Variants in R3HDM1 observed in about 807,000 individuals in gnomAD.
R3HDM1 encodes R3H domain-containing protein 1.
A neutral mutation model predicts 141.1 loss-of-function variants in R3HDM1; 46 were observed. That is an observed-to-expected ratio of 0.33 (90% CI 0.26 to 0.42). The LOEUF (loss-of-function observed/expected upper bound fraction) is 0.42. R3HDM1 is among the 10% of genes least tolerant of loss of function. The pLI, the probability that R3HDM1 is intolerant of heterozygous loss-of-function variation, is 1.00. For missense variants in R3HDM1, 1,184 were observed against 1,368.3 expected (o/e 0.87, Z 2.12); for synonymous variants, 435 against 472.9 (o/e 0.92, Z 1.04).
At chr2:135,541,241 C>T (rs1290325549) in intron 1 of R3HDM1, among the ~76,000 whole-genome samples, 3 of 152,050 alleles carry the variant, frequency 2.0e-5, no homozygotes, top group Non-Finnish European at 4.4e-5. Flanking sequence ...TGCTCTGTCA[C>T]CCAGGCTGGA....
intron 3 of R3HDM1, among the ~76,000 whole-genome samples, chr2:135,614,516 A>G (rs1046838598): frequency 6.6e-6 from 1 of 152,202 alleles, no homozygotes; most frequent in Non-Finnish European, 1.5e-5. Context: ...AGTAGTATGA[A>G]CTTTTAGACA....
intron 21 of R3HDM1, among the ~76,000 whole-genome samples, chr2:135,701,458 G>C (rs115876965): frequency 5.3e-4 from 80 of 152,264 alleles, no homozygotes; most frequent in African/African-American, 1.9e-3. Flanking sequence ...ACTCATCCTT[G>C]TGGTGATGTG....
chr2:135,711,459 C>T (rs989558136), intron 23 of R3HDM1, among the ~76,000 whole-genome samples: 2 of 150,668 alleles, frequency 1.3e-5, no homozygotes, highest in South Asian at 2.1e-4. Context: ...CGCAGGAGTT[C>T]GAGACCAGCC....
chr2:135,724,612 C>T lies in R3HDM1; in HGVS notation c.*320C>T, dbSNP rs559726158. Reference sequence around the variant, plus strand: ...GTATCAGATCCAAAGCTCTATTGTACAGCAAATTATTCTTCAAAATGATTA... The same window carrying T: ...GTATCAGATCCAAAGCTCTATTGTATAGCAAATTATTCTTCAAAATGATTA... On this transcript the variant is annotated 3_prime_UTR_variant, in exon 27 of 27. Transcript: ENST00000683871. 1.7e-4 allele frequency: 37 copies of T among 213,222 alleles called. No homozygotes were observed. Among genetic ancestry groups the T allele is most frequent in the African/African-American group, 8.5e-4 (37 of 43,604 alleles). 13.2% of individuals were successfully genotyped at this position (213,222 alleles called of 1,614,324 possible). A position where few individuals can be genotyped will look rare whatever the true frequency, so the allele number is the denominator to read the frequency against.
chr2:135,684,915 A>G (rs1226416095), intron 21 of R3HDM1, among the ~76,000 whole-genome samples: 2 of 152,024 alleles, frequency 1.3e-5, no homozygotes, highest in Admixed American at 1.3e-4. Context: ...GGCACGCACC[A>G]CCACACTCAG....
chr2:135,536,400 G>A (rs1696123555), intron 1 of R3HDM1: 4 of 335,060 alleles, frequency 1.2e-5, no homozygotes, highest in African/African-American at 2.2e-5. Flanking sequence ...TCCTGCCTTA[G>A]CCTGCCAAAG....
At chr2:135,579,331 T>A (rs957526633) in intron 1 of R3HDM1, among the ~76,000 whole-genome samples, 2 of 152,106 alleles carry the variant, frequency 1.3e-5, no homozygotes, top group South Asian at 2.1e-4. Flanking sequence ...ATAAAACACA[T>A]GTACAGGCAT....
At chr2:135,687,300 A>G (rs1487010508) in intron 21 of R3HDM1, among the ~76,000 whole-genome samples, 1 of 152,212 alleles carries the variant, frequency 6.6e-6, no homozygotes, top group Non-Finnish European at 1.5e-5. Context: ...TTCAGTGGAT[A>G]TAACATTTCT....
intron 3 of R3HDM1, among the ~76,000 whole-genome samples, chr2:135,611,113 A>G (rs2060495968): frequency 6.6e-6 from 1 of 151,118 alleles, no homozygotes; most frequent in Non-Finnish European, 1.5e-5. Context: ...TTAAAAAAAA[A>G]TAAAATTTAA....
intron 21 of R3HDM1, among the ~76,000 whole-genome samples, chr2:135,698,242 C>T (rs938404355): frequency 2.7e-5 from 4 of 150,858 alleles, no homozygotes; most frequent in Admixed American, 2.0e-4. Context: ...TCAGTACAAG[C>T]TCCGCCTCCC....
chr2:135,675,906 A>G (rs2069104315), intron 20 of R3HDM1, among the ~76,000 whole-genome samples: 1 of 152,192 alleles, frequency 6.6e-6, no homozygotes, highest in Admixed American at 6.5e-5. Context: ...AAATAGTGAG[A>G]TACAGTATAG....
At chr2:135,553,221 T>C (rs1184957527) in intron 1 of R3HDM1, among the ~76,000 whole-genome samples, 1 of 152,170 alleles carries the variant, frequency 6.6e-6, no homozygotes, top group Non-Finnish European at 1.5e-5. Context: ...CTATCTAGAT[T>C]ATGTTTGCTT....
intron 21 of R3HDM1, among the ~76,000 whole-genome samples, chr2:135,694,679 A>G (rs376222475): frequency 8.5e-5 from 13 of 152,222 alleles, no homozygotes; most frequent in African/African-American, 3.1e-4. Context: ...GAACCCAACC[A>G]GAGTCTCTGA....
chr2:135,601,458 T>C (rs2059614413), intron 1 of R3HDM1, among the ~76,000 whole-genome samples: 1 of 152,218 alleles, frequency 6.6e-6, no homozygotes, highest in Admixed American at 6.5e-5. Context: ...GGTCTCTTGG[T>C]GCTTAGATCT....
intron 1 of R3HDM1, chr2:135,583,674 G>A (rs1481305367): frequency 5.4e-6 from 5 of 927,820 alleles, no homozygotes; most frequent in Non-Finnish European, 6.4e-6. Context: ...CTTGGCTATA[G>A]TAATCATTTG....
chr2:135,660,845 C>CA (rs11408908), intron 18 of R3HDM1, among the ~76,000 whole-genome samples: 27,918 of 100,540 alleles, frequency 0.28, 3,327 homozygotes, highest in Middle Eastern at 0.51. Flanking sequence ...GACTCCACCT[C>CA]AAAAAAAAAA....
At chr2:135,643,060 T>C (rs567391106) in intron 15 of R3HDM1, among the ~76,000 whole-genome samples, 1 of 152,270 alleles carries the variant, frequency 6.6e-6, no homozygotes, top group East Asian at 1.9e-4. Flanking sequence ...TAGGAAGGGA[T>C]AGAGTGAGAA....
chr2:135,619,199 G>A (rs191637650), intron 5 of R3HDM1, among the ~76,000 whole-genome samples: 51 of 152,156 alleles, frequency 3.4e-4, no homozygotes, highest in African/African-American at 1.2e-3. Flanking sequence ...AGGAAAGAAG[G>A]GTCAGGCATT....
intron 1 of R3HDM1, among the ~76,000 whole-genome samples, chr2:135,600,928 C>T (rs1299682342): frequency 1.3e-5 from 2 of 152,138 alleles, no homozygotes; most frequent in South Asian, 2.1e-4. Context: ...TTCACCTCTT[C>T]GGTTTTGCCC....
Sources: allele counts gnomAD v4.1 joint callset (sites outside exome capture counted in the v4.1 genomes callset), GRCh38; gene constraint gnomAD v4.1.1; transcripts MANE v1.5; gene names NCBI Gene and HGNC (gene_info 2026-07-23, HGNC 2026-07-21).